Variants in LPP observed in about 807,000 individuals in gnomAD.
LPP encodes the protein LIM domain containing preferred translocation partner in lipoma, also known as lipoma-preferred partner.
In LPP, 38 loss-of-function variants were observed where a neutral mutation model predicts 60.4. The ratio of observed to expected loss-of-function variants is 0.63; its 90% CI spans 0.49 to 0.83. The LOEUF (loss-of-function observed/expected upper bound fraction) is 0.83. LPP is among the 40% of genes least tolerant of loss of function. The pLI, the probability that LPP is intolerant of heterozygous loss-of-function variation, is 0.00. For missense variants in LPP, 902 were observed against 783.6 expected, an observed-to-expected ratio of 1.15 and a Z score of -1.80; for synonymous variants, 328 against 290.8, an observed-to-expected ratio of 1.13 and a Z score of -1.30.
chr3:188,503,912 A>G lies in LPP; in HGVS notation c.306+19208A>G, dbSNP rs138440688. ...CAGTTTAATTAGAAGGTGCCTCACT[A>G]TTTGTCTGTTTGAGTTCATCTTACT... On this transcript the variant is annotated intron_variant, in intron 5 of 11. Coordinates refer to ENST00000617246, the MANE Select transcript of LPP (RefSeq NM_001375462.1). Among the ~76,000 whole-genome samples the G allele has an allele frequency of 4.5e-3, 689 of 152,082 alleles. 4 individuals are homozygous for G. The highest frequency in any genetic ancestry group is 0.015 in the African/African-American group (638 of 41,482).
intron 7 of LPP, among the ~76,000 whole-genome samples, chr3:188,647,298 A>T (rs758879817): frequency 6.6e-5 from 10 of 152,090 alleles, no homozygotes; most frequent in Non-Finnish European, 1.2e-4. Flanking sequence ...GCCTGGCTTG[A>T]TCCGGTAAAG....
At chr3:188,745,245 A>G (rs143405003) in intron 8 of LPP, among the ~76,000 whole-genome samples, 145 of 152,216 alleles carry the variant, frequency 9.5e-4, no homozygotes, top group African/African-American at 3.4e-3. Context: ...ACTCATCTTT[A>G]TATTCCTGGT....
intron 6 of LPP, among the ~76,000 whole-genome samples, chr3:188,539,172 A>C (rs1193086162): frequency 1.3e-5 from 2 of 152,212 alleles, no homozygotes; most frequent in Non-Finnish European, 2.9e-5. Flanking sequence ...ATCATGTCTT[A>C]ACTAAAAAAT....
At chr3:188,702,935 T>C (rs781451709) in intron 7 of LPP, among the ~76,000 whole-genome samples, 33 of 152,188 alleles carry the variant, frequency 2.2e-4, no homozygotes, top group Non-Finnish European at 4.6e-4. Flanking sequence ...TGAAGAAGTA[T>C]GCCCAACTCA....
At chr3:188,708,421 A>C (rs1400378980) in intron 8 of LPP, 28 bp downstream of exon 8, 2 of 1,614,094 alleles carry the variant, frequency 1.2e-6, no homozygotes, top group African/African-American at 2.7e-5. Context: ...CTGACTTCTG[A>C]AGTAACTATC....
At chr3:188,736,073 A>C (rs1006278864) in intron 8 of LPP, among the ~76,000 whole-genome samples, 30 of 152,208 alleles carry the variant, frequency 2.0e-4, no homozygotes, top group African/African-American at 7.2e-4. Context: ...CCTTCACTTA[A>C]ATGATACGCA....
At chr3:188,265,349 T>A (rs781154498) in intron 2 of LPP, among the ~76,000 whole-genome samples, 1 of 152,052 alleles carries the variant, frequency 6.6e-6, no homozygotes, top group African/African-American at 2.4e-5. Flanking sequence ...ATTAAGATAG[T>A]GAAAGAGGAC....
At chr3:188,639,384 T>G (rs1176618786) in intron 7 of LPP, among the ~76,000 whole-genome samples, 23 of 151,092 alleles carry the variant, frequency 1.5e-4, no homozygotes, top group African/African-American at 4.6e-4. Context: ...ATTAAAGACT[T>G]AAATGTTAGA....
At chr3:188,420,559 A>AT (rs1156949757) in intron 4 of LPP, among the ~76,000 whole-genome samples, 1 of 152,138 alleles carries the variant, frequency 6.6e-6, no homozygotes, top group Non-Finnish European at 1.5e-5. Flanking sequence ...TGAGATTCAT[A>AT]TTTTGGATTA....
intron 1 of LPP, chr3:188,208,293 C>T (rs968449856): frequency 6.6e-6 from 1 of 152,198 alleles, no homozygotes; most frequent in African/African-American, 2.4e-5. Flanking sequence ...CCCCTGCGGC[C>T]CCCAGGTGAT....
At chr3:188,850,681 C>CAAT (rs1039884884) in intron 9 of LPP, among the ~76,000 whole-genome samples, 6 of 151,872 alleles carry the variant, frequency 4.0e-5, no homozygotes, top group Non-Finnish European at 5.9e-5. Flanking sequence ...GCAAGATCAA[C>CAAT]AATAATAATA....
At chr3:188,658,137 G>GTTTAGTTTAGTCTAGT (rs375100095) in intron 7 of LPP, among the ~76,000 whole-genome samples, 1 of 146,000 alleles carries the variant, frequency 6.8e-6, no homozygotes, top group Admixed American at 6.9e-5. Flanking sequence ...TTTAGTTTAG[G>GTTTAGTTTAGTCTAGT]TTAGTTTAGT....
intron 5 of LPP, among the ~76,000 whole-genome samples, chr3:188,495,182 A>T (rs1259493607): frequency 1.3e-4 from 1 of 7,446 alleles, no homozygotes; most frequent in Non-Finnish European, 7.4e-4. Flanking sequence ...TTATAAATAT[A>T]TAATATATAT....
chr3:188,674,327 A>C (rs986996831), intron 7 of LPP, among the ~76,000 whole-genome samples: 1 of 152,202 alleles, frequency 6.6e-6, no homozygotes, highest in African/African-American at 2.4e-5. Context: ...TTTTGTAAAC[A>C]CGAAAAGTAA....
chr3:188,420,623 G>C (rs149659256), intron 4 of LPP, among the ~76,000 whole-genome samples: 1 of 152,034 alleles, frequency 6.6e-6, no homozygotes, highest in Non-Finnish European at 1.5e-5. Context: ...GTCTTTTTTA[G>C]GGAAAGCATT....
chr3:188,328,955 G>A (rs1036069395), intron 2 of LPP, among the ~76,000 whole-genome samples: 1 of 152,148 alleles, frequency 6.6e-6, no homozygotes, highest in South Asian at 2.1e-4. Context: ...CCCGCTTATT[G>A]TATGTGTCTT....
intron 4 of LPP, among the ~76,000 whole-genome samples, chr3:188,419,830 C>T (rs1378746390): frequency 6.6e-6 from 1 of 152,142 alleles, no homozygotes; most frequent in Non-Finnish European, 1.5e-5. Flanking sequence ...GTGGAGGTTG[C>T]TGTAAGCCAC....
chr3:188,492,669 C>A (rs1243696868), intron 5 of LPP, among the ~76,000 whole-genome samples: 1 of 152,108 alleles, frequency 6.6e-6, no homozygotes, highest in Non-Finnish European at 1.5e-5. Flanking sequence ...GCCCTCCAGC[C>A]TGGGTGACAA....
At chr3:188,810,047 C>T (rs1445540537) in intron 9 of LPP, among the ~76,000 whole-genome samples, 1 of 151,904 alleles carries the variant, frequency 6.6e-6, no homozygotes, top group African/African-American at 2.4e-5. Context: ...TATCAGTACT[C>T]TTATTCTGCC....
Sources: gnomAD v4.1 joint callset for allele counts (sites outside exome capture counted in the v4.1 genomes callset) on GRCh38, gnomAD v4.1.1 for gene constraint, MANE v1.5 for transcripts, NCBI Gene and HGNC (gene_info 2026-07-23, HGNC 2026-07-21) for gene names.